The following MYOF variants were observed in gnomAD, a reference collection of about 807,000 sequenced individuals.
MYOF encodes myoferlin.
A neutral mutation model predicts 284.2 loss-of-function variants in MYOF; 244 were observed. That is an observed-to-expected ratio of 0.86 (90% CI 0.77 to 0.95). MYOF has a LOEUF of 0.95. Among genes scored for constraint, MYOF ranks in the 40% least tolerant of loss-of-function variants. The probability of loss-of-function intolerance (pLI) is 0.00; values close to 1 mark genes in which losing one functional copy is unlikely to be tolerated. For synonymous variants in MYOF, 904 were observed against 919.7 expected (o/e 0.98, Z 0.31); for missense variants, 2,496 against 2,560.6 (o/e 0.97, Z 0.54).
rs900374343 is a variant in MYOF at position 93,347,339 on chromosome 10, T to G, written c.4249+278A>C. 2.0e-5 allele frequency among the ~76,000 whole-genome samples: 3 copies of G among 149,088 alleles called. No homozygotes were observed. In the South Asian group the frequency reaches 6.4e-4, roughly 32 times the overall value. The stretch of plus-strand genomic sequence containing the variant: ...AGGCCGAGGCGGGTGGATCATGAGG[T>G]CAGGAGATCGAGACCATCCTGGCTA... On this transcript the variant is annotated intron_variant, in intron 37 of 53. Coordinates refer to ENST00000359263, the MANE Select transcript of MYOF (RefSeq NM_013451.4).
Position 93,343,843 on chromosome 10 carries a change from C to A in MYOF, c.4326+13G>T, listed in dbSNP as rs1189258994. On this transcript the variant is annotated intron_variant, in intron 38 of 53. Transcript: ENST00000359263. ...AAAACTGACAGCATCCACTGATCAGCTCTGAAGCCTACCTTAGAAGCCAGT... is the reference window on the plus strand; with the variant it reads ...AAAACTGACAGCATCCACTGATCAGATCTGAAGCCTACCTTAGAAGCCAGT... 1.2e-6 allele frequency: 2 copies of A among 1,613,884 alleles called. No homozygotes were observed. The highest frequency in any genetic ancestry group is 3.3e-5 in the Admixed American group (2 of 60,012).
At chr10:93,407,384 C>T (rs1016849354) in intron 7 of MYOF, among the ~76,000 whole-genome samples, 3 of 125,274 alleles carry the variant, frequency 2.4e-5, no homozygotes, top group Non-Finnish European at 4.8e-5. Context: ...GCTGAGATTG[C>T]ACCACCACAC....
chr10:93,426,714 C>A (rs539609694), intron 4 of MYOF, among the ~76,000 whole-genome samples: 45 of 152,080 alleles, frequency 3.0e-4, no homozygotes, highest in African/African-American at 1.0e-3. Flanking sequence ...CATGGCGAAA[C>A]CTTGTCTCTA....
intron 25 of MYOF, among the ~76,000 whole-genome samples, chr10:93,369,313 A>G (rs1845480292): frequency 6.6e-6 from 1 of 151,742 alleles, no homozygotes. Flanking sequence ...GGAACCAATA[A>G]GATTATTACA....
chr10:93,449,785 C>G (rs1273581091), intron 3 of MYOF, among the ~76,000 whole-genome samples: 1 of 152,094 alleles, frequency 6.6e-6, no homozygotes, highest in Admixed American at 6.6e-5. Flanking sequence ...GCCACCACAC[C>G]TGGCCCAGAA....
chr10:93,351,731 C>T lies in MYOF; in HGVS notation c.3597G>A (p.Gly1199=), dbSNP rs368753641. Residue 1199 remains glycine (G), a synonymous_variant, in exon 33 of 54, where the codon GGG becomes GGA. Transcript: ENST00000359263. ...GATTCTGTAGAACTGTTTGGGGTTC[C>T]CCATAGATTTCAACTTCATCGAATA... ...TIIFDEVEIY[G]EPQTVLQNPP... 5.0e-6 allele frequency: 8 copies of T among 1,599,084 alleles called. No individual in the cohort carries two copies. Among genetic ancestry groups the T allele is most frequent in the Middle Eastern group, 1.7e-4 (1 of 6,010 alleles).
intron 40 of MYOF, among the ~76,000 whole-genome samples, chr10:93,336,292 A>T (rs1843603964): frequency 6.6e-6 from 1 of 152,248 alleles, no homozygotes. Context: ...ATGACAAGTG[A>T]AAACACGTAC....
intron 41 of MYOF, 34 bp downstream of exon 41, chr10:93,335,887 G>A: frequency 6.2e-7 from 1 of 1,605,044 alleles, no homozygotes; most frequent in Non-Finnish European, 8.5e-7. Context: ...AATGAAGGTG[G>A]ATTTTAAACG....
intron 23 of MYOF, among the ~76,000 whole-genome samples, chr10:93,374,405 A>G (rs1845742017): frequency 6.6e-6 from 1 of 152,212 alleles, no homozygotes; most frequent in Non-Finnish European, 1.5e-5. Context: ...TATACATGGT[A>G]GAACCAAGGT....
chr10:93,413,092 G>A (rs1450023129), intron 5 of MYOF, among the ~76,000 whole-genome samples: 1 of 152,164 alleles, frequency 6.6e-6, no homozygotes, highest in Non-Finnish European at 1.5e-5. Flanking sequence ...AGCATTTTAG[G>A]CTGGTGATTG....
intron 5 of MYOF, among the ~76,000 whole-genome samples, chr10:93,417,266 CTTCT>C (rs1848172935): frequency 6.6e-6 from 1 of 152,214 alleles, no homozygotes; most frequent in African/African-American, 2.4e-5. Context: ...GTGATCCACT[CTTCT>C]TTACTTGTGA....
At chr10:93,358,772 G>A (rs1314475545) in intron 29 of MYOF, among the ~76,000 whole-genome samples, 1 of 152,082 alleles carries the variant, frequency 6.6e-6, no homozygotes, top group East Asian at 1.9e-4. Flanking sequence ...ACACAGGGAG[G>A]GGAACAACAC....
chr10:93,459,067 C>T (rs938708894), intron 1 of MYOF, among the ~76,000 whole-genome samples: 4 of 152,226 alleles, frequency 2.6e-5, no homozygotes, highest in African/African-American at 7.2e-5. Context: ...TTCAGCGTGA[C>T]GCTCCTCGTC....
At chr10:93,325,577 C>G (rs868382709) in intron 46 of MYOF, among the ~76,000 whole-genome samples, 4 of 152,120 alleles carry the variant, frequency 2.6e-5, no homozygotes, top group Non-Finnish European at 5.9e-5. Flanking sequence ...CTCAGAGAAA[C>G]AGATGAGACA....
intron 3 of MYOF, 45 bp downstream of exon 3, chr10:93,452,005 A>G: frequency 7.8e-7 from 1 of 1,289,548 alleles, no homozygotes; most frequent in South Asian, 1.2e-5. Context: ...AACAACAGTG[A>G]GATAGTAATA....
chr10:93,473,909 C>T (rs374328767), intron 1 of MYOF, among the ~76,000 whole-genome samples: 5 of 152,130 alleles, frequency 3.3e-5, no homozygotes, highest in South Asian at 2.1e-4. Flanking sequence ...TGTTTTTGTT[C>T]GATCTCTTGG....
At chr10:93,411,077 C>T (rs540752264) in intron 5 of MYOF, among the ~76,000 whole-genome samples, 1 of 152,328 alleles carries the variant, frequency 6.6e-6, no homozygotes, top group African/African-American at 2.4e-5. Context: ...TATCTATAGG[C>T]GAAGCCTTTA....
intron 53 of MYOF, among the ~76,000 whole-genome samples, chr10:93,309,273 C>T (rs1011826978): frequency 6.6e-6 from 1 of 152,188 alleles, no homozygotes; most frequent in African/African-American, 2.4e-5. Flanking sequence ...ATATGAACTG[C>T]TCTTGGGCAC....
intron 43 of MYOF, 117 bp from the exon 44 acceptor site, chr10:93,329,951 T>C: frequency 9.6e-7 from 1 of 1,043,638 alleles, no homozygotes; most frequent in Non-Finnish European, 1.4e-6. Flanking sequence ...GGAGGACATC[T>C]GAGCAGGATA....
Sources: allele counts gnomAD v4.1 joint callset (sites outside exome capture counted in the v4.1 genomes callset), GRCh38; gene constraint gnomAD v4.1.1; transcripts MANE v1.5; gene names NCBI Gene and HGNC (gene_info 2026-07-23, HGNC 2026-07-21).